The following RNF144A variants were observed in gnomAD, a reference collection of about 807,000 sequenced individuals.
RNF144A encodes E3 ubiquitin-protein ligase RNF144A.
RNF144A carries 11 observed loss-of-function variants against 38.7 expected under a neutral mutation model. The observed-to-expected ratio is 0.28, with a 90% confidence interval of 0.18 to 0.47. The LOEUF (loss-of-function observed/expected upper bound fraction) is 0.47. RNF144A is among the 20% of genes least tolerant of loss of function. The pLI is 0.99. For missense variants in RNF144A, 316 were observed against 377.2 expected, an observed-to-expected ratio of 0.84 and a Z score of 1.34; for synonymous variants, 149 against 143.9, an observed-to-expected ratio of 1.04 and a Z score of -0.25.
intron 5 of RNF144A, among the ~76,000 whole-genome samples, chr2:7,017,619 A>G (rs1671225367): frequency 6.6e-6 from 1 of 152,228 alleles, no homozygotes; most frequent in Admixed American, 6.5e-5. Context: ...TTCTTAAGAG[A>G]CCTGCTTCAT....
At chr2:7,019,762 G>A (rs534154277) in intron 5 of RNF144A, among the ~76,000 whole-genome samples, 3 of 152,232 alleles carry the variant, frequency 2.0e-5, no homozygotes, top group Non-Finnish European at 4.4e-5. Context: ...AGAAATAGAT[G>A]TGTCAAAGTG....
rs1672942263 is a variant in RNF144A, at chr2:7,039,871, T to C, written c.*111T>C. Reference sequence around the variant, plus strand: ...ATCTTTCTTGCCTTATGTGCCCCATTGAGCTTCACAGTGTCAGGCTGGACG... The same window carrying C: ...ATCTTTCTTGCCTTATGTGCCCCATCGAGCTTCACAGTGTCAGGCTGGACG... On this transcript the variant is annotated 3_prime_UTR_variant, in exon 9 of 9. Coordinates refer to ENST00000320892, the MANE Select transcript of RNF144A (RefSeq NM_014746.6). The C allele has an allele frequency of 1.3e-6, 2 of 1,495,088 alleles. No homozygotes were observed. The highest frequency in any genetic ancestry group is 1.8e-6 in the Non-Finnish European group (2 of 1,119,570). 92.6% of individuals were successfully genotyped at this position (1,495,088 alleles called of 1,614,324 possible). A position where few individuals can be genotyped will look rare whatever the true frequency, so the allele number is the denominator to read the frequency against.
At chr2:6,974,151 A>G (rs1220208117) in intron 2 of RNF144A, among the ~76,000 whole-genome samples, 1 of 152,198 alleles carries the variant, frequency 6.6e-6, no homozygotes, top group Non-Finnish European at 1.5e-5. Flanking sequence ...GAAGTTACAG[A>G]CTTACCTGCT....
intron 8 of RNF144A, among the ~76,000 whole-genome samples, chr2:7,036,681 C>G (rs1465747588): frequency 6.6e-6 from 1 of 152,224 alleles, no homozygotes; most frequent in Non-Finnish European, 1.5e-5. Context: ...ATCCAGGGAT[C>G]AAATATGATA....
chr2:7,030,383 C>T (rs1672219869), intron 8 of RNF144A, among the ~76,000 whole-genome samples, 168 bp downstream of exon 8: 1 of 151,682 alleles, frequency 6.6e-6, no homozygotes, highest in South Asian at 2.1e-4. Context: ...AGATGTGCTT[C>T]CTGCTGGTTT....
downstream of RNF144A, among the ~76,000 whole-genome samples, chr2:7,072,661 T>A (rs1674525143): frequency 6.6e-6 from 1 of 152,222 alleles, no homozygotes; most frequent in Non-Finnish European, 1.5e-5. Context: ...CCCCAGTTAG[T>A]GTCTGTTTGA....
At chr2:6,959,043 G>A (rs535545511) in intron 2 of RNF144A, among the ~76,000 whole-genome samples, 40 of 152,326 alleles carry the variant, frequency 2.6e-4, no homozygotes, top group African/African-American at 8.9e-4. Context: ...CACAGAACAC[G>A]TGATGCTCCT....
chr2:6,950,271 C>G (rs191642188), intron 2 of RNF144A, among the ~76,000 whole-genome samples: 1 of 152,312 alleles, frequency 6.6e-6, no homozygotes, highest in African/African-American at 2.4e-5. Context: ...ATTGCTAAAC[C>G]TTATATCCTT....
intron 2 of RNF144A, among the ~76,000 whole-genome samples, chr2:6,973,509 C>T (rs1211997872): frequency 1.3e-5 from 2 of 152,150 alleles, no homozygotes; most frequent in African/African-American, 2.4e-5. Flanking sequence ...CAGTACAGGG[C>T]GGGCATCTCT....
chr2:7,041,412 C>G lies in RNF144A; in HGVS notation c.*1652C>G. On this transcript the variant is annotated 3_prime_UTR_variant, in exon 9 of 9. Transcript: ENST00000320892. ...GTTGATTTTCCTTATGAACCCGAAGCCATTTAGAAAATCCCTGTGTGTCAA... is the reference window on the plus strand; with the variant it reads ...GTTGATTTTCCTTATGAACCCGAAGGCATTTAGAAAATCCCTGTGTGTCAA... 1.0e-6 allele frequency: 1 copy of G among 985,860 alleles called. No homozygotes were observed. Among genetic ancestry groups the G allele is most frequent in the Non-Finnish European group, 1.2e-6 (1 of 829,924 alleles). 61.1% of individuals were successfully genotyped at this position (985,860 alleles called of 1,614,324 possible).
chr2:7,056,761 C>A (rs769397585), intron 6 of RNF144A, among the ~76,000 whole-genome samples: 8 of 152,228 alleles, frequency 5.3e-5, no homozygotes, highest in African/African-American at 9.6e-5. Context: ...GTCTCCCCCC[C>A]AGTTGTGGCC....
Position 7,042,673 on chromosome 2 carries a change from G to A in RNF144A, c.*2913G>A, listed in dbSNP as rs1361476250. 4.7e-5 allele frequency: 46 copies of A among 985,354 alleles called. No homozygotes were observed. Among genetic ancestry groups the A allele is most frequent in the South Asian group, 1.4e-4 (3 of 21,296 alleles). The allele number at this position is 985,354 out of a possible 1,614,324, so 61.0% of individuals were successfully genotyped here. On this transcript the variant is annotated 3_prime_UTR_variant, in exon 9 of 9. Coordinates refer to ENST00000320892, the MANE Select transcript of RNF144A (RefSeq NM_014746.6). The stretch of plus-strand genomic sequence containing the variant: ...TGTAGTCCATAGCCCAGCCAGATGA[G>A]CTTGCAGCCTCATAGGAGGTCAGCA...
intron 2 of RNF144A, among the ~76,000 whole-genome samples, chr2:6,984,201 C>G (rs533750930): frequency 3.3e-5 from 5 of 152,316 alleles, no homozygotes; most frequent in African/African-American, 1.2e-4. Context: ...TGTCTCCCCG[C>G]TAGAGTGTAA....
chr2:7,025,424 A>G (rs1258704322), intron 7 of RNF144A, among the ~76,000 whole-genome samples: 2 of 152,232 alleles, frequency 1.3e-5, no homozygotes, highest in Non-Finnish European at 2.9e-5. Context: ...CTATATTCCC[A>G]GCACTTTGGG....
At chr2:6,940,571 C>T (rs939688693) in intron 1 of RNF144A, among the ~76,000 whole-genome samples, 2 of 151,380 alleles carry the variant, frequency 1.3e-5, no homozygotes, top group African/African-American at 4.9e-5. Context: ...TTATTATATA[C>T]TTCTGAGTTA....
intron 2 of RNF144A, among the ~76,000 whole-genome samples, chr2:6,976,403 C>T (rs183973010): frequency 6.6e-6 from 1 of 152,014 alleles, no homozygotes; most frequent in East Asian, 1.9e-4. Flanking sequence ...TATCTCGTTC[C>T]TTGATCGTTT....
intron 5 of RNF144A, among the ~76,000 whole-genome samples, chr2:7,015,902 C>T (rs947151015): frequency 6.6e-5 from 10 of 151,896 alleles, no homozygotes; most frequent in Non-Finnish European, 1.2e-4. Context: ...AAAACATGGC[C>T]GGATGGGGAG....
At chr2:7,000,586 T>C (rs1043597281) in intron 3 of RNF144A, among the ~76,000 whole-genome samples, 6 of 152,176 alleles carry the variant, frequency 3.9e-5, no homozygotes, top group Non-Finnish European at 7.3e-5. Flanking sequence ...GTTAATATGG[T>C]GTTACTGCTG....
chr2:6,927,585 C>T (rs966829422), intron 1 of RNF144A, among the ~76,000 whole-genome samples: 13 of 152,204 alleles, frequency 8.5e-5, no homozygotes, highest in African/African-American at 3.1e-4. Flanking sequence ...GGAGGGGAAG[C>T]GAGGACCTGA....
Sources: allele counts gnomAD v4.1 joint callset (sites outside exome capture counted in the v4.1 genomes callset), GRCh38; gene constraint gnomAD v4.1.1; transcripts MANE v1.5; gene names NCBI Gene and HGNC (gene_info 2026-07-23, HGNC 2026-07-21).